The following HDAC4 variants were observed in gnomAD, a reference collection of about 807,000 sequenced individuals.
The protein encoded by HDAC4 is histone deacetylase A.
Under a neutral mutation model 135.1 loss-of-function variants are expected in HDAC4, and 16 were observed. The observed-to-expected ratio is 0.12, with a 90% CI of 0.08 to 0.18. The LOEUF (loss-of-function observed/expected upper bound fraction) is 0.18. HDAC4 is among the 10% of genes least tolerant of loss of function. The pLI is 1.00. For missense variants in HDAC4, 1,143 were observed against 1,511.8 expected (o/e 0.76, Z 4.05); for synonymous variants, 685 against 653.4 (o/e 1.05, Z -0.74).
intron 1 of HDAC4, among the ~76,000 whole-genome samples, chr2:239,390,169 T>C (rs1344937936): frequency 1.3e-5 from 2 of 152,142 alleles, no homozygotes; most frequent in East Asian, 3.9e-4. Context: ...AACAATTCCC[T>C]GAGGCCACAG....
At chr2:239,289,979 A>G (rs151204931) in intron 2 of HDAC4, among the ~76,000 whole-genome samples, 162 of 152,382 alleles carry the variant, frequency 1.1e-3, no homozygotes, top group African/African-American at 3.8e-3. Flanking sequence ...TAAGGAAAAC[A>G]AATGAGAGAA....
chr2:239,316,030 C>T (rs1244314260), intron 2 of HDAC4, among the ~76,000 whole-genome samples: 1 of 151,764 alleles, frequency 6.6e-6, no homozygotes. Context: ...AGAACTCTTA[C>T]AAACTGTGTG....
intron 2 of HDAC4, among the ~76,000 whole-genome samples, chr2:239,305,696 T>C (rs560001282): frequency 6.6e-6 from 1 of 152,360 alleles, no homozygotes; most frequent in South Asian, 2.1e-4. Context: ...TTGGTGACGG[T>C]GCGGCTTAGT....
chr2:239,081,190 C>T lies in HDAC4; in HGVS notation c.2655G>A (p.Val885=). ...TGAAACCCACGCCGGGCCCTGTGCC[C>T]ACCTGTGGCCAGAAGGAGAGAAACA... The part of the protein sequence containing the change: ...FFPGSGAPDE[V]GTGPGVGFNV... Residue 885 remains valine (V), a splice_region_variant and synonymous_variant, in exon 22 of 27, where the codon GTG becomes GTA. Transcript: ENST00000543185. The T allele has an allele frequency of 6.2e-7, 1 of 1,612,478 alleles. No individual in the cohort carries two copies. Among genetic ancestry groups the T allele is most frequent in the Non-Finnish European group, 8.5e-7 (1 of 1,179,478 alleles).
At chr2:239,361,618 T>C (rs895642177) in intron 1 of HDAC4, among the ~76,000 whole-genome samples, 6 of 152,208 alleles carry the variant, frequency 3.9e-5, no homozygotes, top group Middle Eastern at 3.2e-3. Flanking sequence ...GAACCCCTCA[T>C]AAAGAAAGCA....
intron 2 of HDAC4, among the ~76,000 whole-genome samples, chr2:239,243,624 CAG>C (rs1342219633): frequency 6.6e-6 from 1 of 152,192 alleles, no homozygotes; most frequent in South Asian, 2.1e-4. Context: ...TACTGGGAAA[CAG>C]TAACGACACA....
intron 19 of HDAC4, among the ~76,000 whole-genome samples, chr2:239,086,474 T>C (rs543208586): frequency 5.8e-4 from 88 of 151,356 alleles, no homozygotes; most frequent in Middle Eastern, 3.5e-3. Flanking sequence ...GTCTCTCACG[T>C]ACAATCTCTT....
chr2:239,385,963 G>A (rs1337721597), intron 1 of HDAC4, among the ~76,000 whole-genome samples: 1 of 152,214 alleles, frequency 6.6e-6, no homozygotes, highest in Non-Finnish European at 1.5e-5. Flanking sequence ...AAGCTCAGGT[G>A]TGCCCTAAAC....
chr2:239,353,847 C>T lies in HDAC4; in HGVS notation c.-219-929G>A, dbSNP rs1011308086. Among the ~76,000 whole-genome samples the T allele has an allele frequency of 9.9e-5, 15 of 152,208 alleles. 1 individual carries two copies. The East Asian group carries it at 1.3e-3, about 14-fold the overall frequency. On this transcript the variant is annotated intron_variant, in intron 1 of 26. Coordinates refer to ENST00000543185, the MANE Select transcript of HDAC4 (RefSeq NM_001378414.1). ...CCCACCACAAAATGTCATTACTGCA[C>T]GCTTGCATCAGCCTGGATCCATAGA...
At chr2:239,353,176 G>A (rs948214150) in intron 1 of HDAC4, among the ~76,000 whole-genome samples, 3 of 152,116 alleles carry the variant, frequency 2.0e-5, no homozygotes, top group Admixed American at 6.5e-5. Flanking sequence ...ACCAGGCACA[G>A]CTAATTTTTG....
intron 2 of HDAC4, among the ~76,000 whole-genome samples, chr2:239,263,039 C>A (rs1489598066): frequency 6.6e-6 from 1 of 152,194 alleles, no homozygotes; most frequent in Non-Finnish European, 1.5e-5. Context: ...GATGTGGACA[C>A]TGCCCCAAAC....
At chr2:239,071,584 C>A (rs922551136) in intron 22 of HDAC4, among the ~76,000 whole-genome samples, 2 of 152,104 alleles carry the variant, frequency 1.3e-5, no homozygotes, top group Non-Finnish European at 2.9e-5. Flanking sequence ...ATGACCTTTA[C>A]TCCTGCTTGA....
chr2:239,108,466 C>T (rs1169961436), intron 14 of HDAC4, among the ~76,000 whole-genome samples: 1 of 152,180 alleles, frequency 6.6e-6, no homozygotes, highest in Non-Finnish European at 1.5e-5. Context: ...AGCTGCCCTG[C>T]TGCAGCAGGC....
chr2:239,148,491 TG>T (rs1353100417), intron 7 of HDAC4, among the ~76,000 whole-genome samples: 1 of 152,142 alleles, frequency 6.6e-6, no homozygotes, highest in Non-Finnish European at 1.5e-5. Context: ...GATCCCAAAC[TG>T]CTTCAGAGCT....
At chr2:239,211,429 G>A (rs1231586678) in intron 3 of HDAC4, among the ~76,000 whole-genome samples, 1 of 152,114 alleles carries the variant, frequency 6.6e-6, no homozygotes, top group Admixed American at 6.5e-5. Flanking sequence ...GGTGGTCCGG[G>A]CCCCTGCACA....
intron 22 of HDAC4, among the ~76,000 whole-genome samples, chr2:239,080,143 C>T (rs1379389847): frequency 2.6e-5 from 4 of 152,148 alleles, no homozygotes; most frequent in South Asian, 2.1e-4. Flanking sequence ...CACACACGCA[C>T]GTGGACACAC....
At chr2:239,276,961 T>C (rs1049581661) in intron 2 of HDAC4, among the ~76,000 whole-genome samples, 3 of 151,286 alleles carry the variant, frequency 2.0e-5, no homozygotes, top group African/African-American at 7.3e-5. Flanking sequence ...GGGAACACCA[T>C]TCGAGAGTCA....
At position 239,220,367 on chromosome 2, in the gene HDAC4, A is replaced by T. The variant is rs542817874; in HGVS notation, c.94+16226T>A. 2.6e-5 allele frequency among the ~76,000 whole-genome samples: 4 copies of T among 152,392 alleles called. No homozygotes were observed. The South Asian group carries it at 8.3e-4, about 32-fold the overall frequency. On this transcript the variant is annotated intron_variant, in intron 3 of 26. Transcript: ENST00000543185. ...GTAACTACAAAAGGAACCCAAACAA[A>T]TAAAAACATTAGACTCAAAAAGTTA...
intron 22 of HDAC4, among the ~76,000 whole-genome samples, chr2:239,075,969 A>G (rs568559380): frequency 6.8e-6 from 1 of 147,094 alleles, no homozygotes; most frequent in African/African-American, 2.6e-5. Context: ...CACTCCCCTC[A>G]GCTTCCTGGG....
Sources: allele counts gnomAD v4.1 joint callset (sites outside exome capture counted in the v4.1 genomes callset), GRCh38; gene constraint gnomAD v4.1.1; transcripts MANE v1.5; gene names NCBI Gene and HGNC (gene_info 2026-07-23, HGNC 2026-07-21).